The following KYNU variants were observed in gnomAD, a reference collection of about 807,000 sequenced individuals.
The protein encoded by KYNU is kynureninase, also known as L-kynurenine hydrolase.
In KYNU, 54 loss-of-function variants were observed where a neutral mutation model predicts 59.2. That is an observed-to-expected ratio of 0.91 (90% CI 0.73 to 1.14). The LOEUF (loss-of-function observed/expected upper bound fraction) is 1.14, where lower values mean the gene tolerates loss of function less well. Among genes scored for constraint, KYNU ranks in the 50% most tolerant of loss-of-function variants. The pLI is 0.00. For synonymous variants in KYNU, 177 were observed against 192.0 expected (o/e 0.92, Z 0.65); for missense variants, 567 against 554.4 (o/e 1.02, Z -0.23).
intron 10 of KYNU, among the ~76,000 whole-genome samples, chr2:143,012,502 A>AAAT (rs1468233437): frequency 6.6e-6 from 1 of 151,756 alleles, no homozygotes; most frequent in Non-Finnish European, 1.5e-5. Flanking sequence ...AAAAAAAAAA[A>AAAT]AAAGAAAGAA....
At chr2:142,904,918 A>G (rs1458232928) in intron 2 of KYNU, among the ~76,000 whole-genome samples, 1 of 152,040 alleles carries the variant, frequency 6.6e-6, no homozygotes, top group Non-Finnish European at 1.5e-5. Context: ...GTGGTCCTTT[A>G]CCAGCGTGCC....
intron 2 of KYNU, among the ~76,000 whole-genome samples, chr2:142,910,267 T>C (rs1472078051): frequency 6.7e-6 from 1 of 150,346 alleles, no homozygotes; most frequent in African/African-American, 2.4e-5. Flanking sequence ...CTCCCAAGTA[T>C]CTGGGACTAC....
At chr2:142,938,946 C>T (rs535398917) in intron 4 of KYNU, among the ~76,000 whole-genome samples, 6 of 151,704 alleles carry the variant, frequency 4.0e-5, no homozygotes, top group African/African-American at 1.2e-4. Context: ...AATAGTGAGA[C>T]CCCGTCTCTA....
chr2:142,911,935 G>A lies in KYNU; in HGVS notation c.170-6674G>A, dbSNP rs1269697970. Among the ~76,000 whole-genome samples the A allele has an allele frequency of 2.6e-5, 4 of 152,122 alleles. No individual in the cohort carries two copies. In the East Asian group the frequency reaches 7.7e-4, roughly 29 times the overall value. On this transcript the variant is annotated intron_variant, in intron 2 of 13. Coordinates refer to ENST00000264170, the MANE Select transcript of KYNU (RefSeq NM_003937.3). Reference sequence around the variant, plus strand: ...TGAAATAACTTTTTCATGTGCTTCTGGATTTGGTTTGCTAGTATTTTGTTG... The same window carrying A: ...TGAAATAACTTTTTCATGTGCTTCTAGATTTGGTTTGCTAGTATTTTGTTG...
intron 10 of KYNU, among the ~76,000 whole-genome samples, chr2:143,007,385 C>T (rs1044281547): frequency 1.4e-5 from 2 of 146,588 alleles, no homozygotes; most frequent in African/African-American, 5.2e-5. Context: ...TGAGCAAAGC[C>T]TCCAAGAAAT....
At chr2:142,888,490 T>A (rs1348059157) in intron 2 of KYNU, among the ~76,000 whole-genome samples, 3 of 152,268 alleles carry the variant, frequency 2.0e-5, no homozygotes, top group African/African-American at 7.2e-5. Context: ...TAATTTTGAA[T>A]GATGTAAAAC....
At position 142,954,842 on chromosome 2, in the gene KYNU, G is replaced by T; in HGVS notation, c.406G>T (p.Ala136Ser). Residue 136 changes from alanine (A) to serine (S), a missense_variant, in exon 5 of 14, where the codon GCT (alanine) becomes TCT (serine). By Grantham distance (99) the Ala-to-Ser change is moderately conservative. Transcript: ENST00000264170. ...TGAGAAAGAAATAGCCCTAATGAAT[G>T]CTTTGACTGTAAATTTACATCTTCT... Reference protein sequence around the residue: ...ANEKEIALMNALTVNLHLLML... With the variant: ...ANEKEIALMNSLTVNLHLLML... 1 of 1,599,854 alleles carries T rather than the reference G, an allele frequency of 6.3e-7. No homozygotes were observed. Among genetic ancestry groups the T allele is most frequent in the Non-Finnish European group, 8.6e-7 (1 of 1,167,490 alleles).
intron 2 of KYNU, among the ~76,000 whole-genome samples, chr2:142,898,722 G>A (rs938860316): frequency 3.9e-5 from 6 of 152,222 alleles, no homozygotes; most frequent in South Asian, 2.1e-4. Context: ...AAGATGGGGC[G>A]GGCCGCTCCC....
At chr2:143,003,285 T>TG (rs1553487541) in intron 10 of KYNU, among the ~76,000 whole-genome samples, 107 of 151,808 alleles carry the variant, frequency 7.0e-4, no homozygotes, top group East Asian at 2.3e-3. Flanking sequence ...TCTTTACAGC[T>TG]GGGGGGGGTG....
At chr2:142,988,463 C>T (rs1685289439) in intron 10 of KYNU, among the ~76,000 whole-genome samples, 1 of 151,924 alleles carries the variant, frequency 6.6e-6, no homozygotes, top group Non-Finnish European at 1.5e-5. Flanking sequence ...TATAATCTCT[C>T]TTATATGCTA....
At chr2:143,020,876 C>G (rs755171744) in intron 10 of KYNU, among the ~76,000 whole-genome samples, 5 of 152,170 alleles carry the variant, frequency 3.3e-5, no homozygotes, top group Non-Finnish European at 7.4e-5. Context: ...TTTATTTTCA[C>G]AGAGGTGCAT....
intron 4 of KYNU, among the ~76,000 whole-genome samples, chr2:142,949,937 T>C (rs1683932283): frequency 6.6e-6 from 1 of 152,216 alleles, no homozygotes; most frequent in African/African-American, 2.4e-5. Context: ...AGTCACATCT[T>C]GAATGCTTTG....
At chr2:142,958,245 A>G (rs1335890242) in intron 7 of KYNU, among the ~76,000 whole-genome samples, 1 of 152,164 alleles carries the variant, frequency 6.6e-6, no homozygotes, top group Non-Finnish European at 1.5e-5. Flanking sequence ...CAGACTCTCC[A>G]GTTTACTGGG....
chr2:143,040,749 G>C (rs920306074), intron 13 of KYNU, 91 bp downstream of exon 13: 1 of 759,076 alleles, frequency 1.3e-6, no homozygotes, highest in Non-Finnish European at 2.2e-6. Context: ...ATTGTTGCAT[G>C]TTATTTCACA....
Position 142,960,879 on chromosome 2 carries a change from A to G in KYNU, c.729+109A>G, listed in dbSNP as rs995117720. Reference sequence around the variant, plus strand: ...CTTTAGCTTGTGTCTGAGTAAAACTATTTCAAAAGTTAAAAAAAAAAAGAG... The same window carrying G: ...CTTTAGCTTGTGTCTGAGTAAAACTGTTTCAAAAGTTAAAAAAAAAAAGAG... On this transcript the variant is annotated intron_variant, in intron 8 of 13. Coordinates refer to ENST00000264170, the MANE Select transcript of KYNU (RefSeq NM_003937.3). 7 of 1,181,346 alleles carry G rather than the reference A, an allele frequency of 5.9e-6. No homozygotes were observed. The South Asian group carries it at 6.5e-5, about 11-fold the overall frequency. 73.2% of individuals were successfully genotyped at this position (1,181,346 alleles called of 1,614,324 possible). A position where few individuals can be genotyped will look rare whatever the true frequency, so the allele number is the denominator to read the frequency against.
chr2:143,005,776 G>A (rs548840850), intron 10 of KYNU, among the ~76,000 whole-genome samples: 4 of 151,906 alleles, frequency 2.6e-5, no homozygotes, highest in South Asian at 2.1e-4. Flanking sequence ...AATTACTTTC[G>A]CACCAACATG....
chr2:142,995,080 G>A (rs143698909), intron 10 of KYNU, among the ~76,000 whole-genome samples: 3 of 151,890 alleles, frequency 2.0e-5, no homozygotes, highest in African/African-American at 4.8e-5. Flanking sequence ...TTGGAGCATC[G>A]GTATTAACTC....
intron 10 of KYNU, among the ~76,000 whole-genome samples, chr2:143,024,756 A>T (rs1686505491): frequency 6.6e-6 from 1 of 152,074 alleles, no homozygotes; most frequent in South Asian, 2.1e-4. Context: ...AACTCAGAGG[A>T]TGTTGCATTT....
At chr2:142,938,393 C>T (rs1186542358) in intron 4 of KYNU, among the ~76,000 whole-genome samples, 4 of 152,126 alleles carry the variant, frequency 2.6e-5, no homozygotes, top group Non-Finnish European at 5.9e-5. Flanking sequence ...ACCGCAGCCA[C>T]GTGGTGGAAG....
Sources: allele counts gnomAD v4.1 joint callset (sites outside exome capture counted in the v4.1 genomes callset), GRCh38; gene constraint gnomAD v4.1.1; transcripts MANE v1.5; gene names NCBI Gene and HGNC (gene_info 2026-07-23, HGNC 2026-07-21).